MIDEAS: variants seen among roughly 807,000 people sequenced by gnomAD.
MIDEAS encodes the protein mitotic deacetylase associated SANT domain protein.
Under a neutral mutation model 102.7 loss-of-function variants are expected in MIDEAS, and 26 were observed. The ratio of observed to expected loss-of-function variants is 0.25; its 90% CI spans 0.19 to 0.35. The LOEUF is 0.35. MIDEAS is among the 10% of genes least tolerant of loss of function. The pLI is 1.00. For missense variants in MIDEAS, 1,231 were observed against 1,435.6 expected (o/e 0.86, Z 2.30); for synonymous variants, 585 against 591.0 (o/e 0.99, Z 0.15).
In MIDEAS at chr14:73,781,734, CA is replaced by C. The variant is rs72374466; in HGVS notation, c.-248+5367del. On this transcript the variant is annotated intron_variant, in intron 1 of 11. Coordinates refer to the MIDEAS transcript ENST00000394071. ...GGGCAACAAGAGCGAAACTCTGTCTCAAAAAAAAAAAAAAAAAAAAAACTGA... is the reference window on the plus strand; with the variant it reads ...GGGCAACAAGAGCGAAACTCTGTCTCAAAAAAAAAAAAAAAAAAAAACTGA... Among the ~76,000 whole-genome samples the C allele has an allele frequency of 4.6e-3, 339 of 73,546 alleles. 4 individuals are homozygous for C. Among genetic ancestry groups the C allele is most frequent in the African/African-American group, 0.019 (304 of 16,306 alleles). 48.2% of individuals were successfully genotyped at this position (73,546 alleles called of 152,430 possible).
chr14:73,727,211 C>T, intron 5 of MIDEAS: 1 of 628,146 alleles, frequency 1.6e-6, no homozygotes, highest in South Asian at 2.0e-5. Flanking sequence ...GAAAGAGCCT[C>T]TGGACCCCCC....
chr14:73,721,637 C>T (rs2052996049), intron 10 of MIDEAS, 128 bp from the exon 11 acceptor site: 1 of 776,560 alleles, frequency 1.3e-6, no homozygotes, highest in Non-Finnish European at 2.2e-6. Context: ...CCAGCATAGT[C>T]TTCTGTACTA....
intron 1 of MIDEAS, among the ~76,000 whole-genome samples, chr14:73,753,935 C>T (rs758606156): frequency 1.3e-5 from 2 of 152,118 alleles, no homozygotes; most frequent in Non-Finnish European, 2.9e-5. Flanking sequence ...GAGCCGCCAC[C>T]TCCTGGATTC....
chr14:73,730,279 G>A (rs184586898), intron 3 of MIDEAS: 295 of 505,808 alleles, frequency 5.8e-4, no homozygotes, highest in Middle Eastern at 2.8e-3. Flanking sequence ...AAAACTAACT[G>A]TATAAAATTG....
chr14:73,766,692 G>C (rs141407781), intron 1 of MIDEAS, among the ~76,000 whole-genome samples: 10 of 151,946 alleles, frequency 6.6e-5, no homozygotes, highest in Non-Finnish European at 1.2e-4. Context: ...TGGGACTACA[G>C]GCAGCTGTCG....
intron 1 of MIDEAS, among the ~76,000 whole-genome samples, chr14:73,745,437 C>T (rs914924878): frequency 6.6e-6 from 1 of 152,240 alleles, no homozygotes; most frequent in South Asian, 2.1e-4. Flanking sequence ...CATGCCCTGA[C>T]ATGGCTGGAC....
intron 1 of MIDEAS, among the ~76,000 whole-genome samples, chr14:73,767,098 G>A (rs1411052098): frequency 1.3e-5 from 2 of 151,748 alleles, no homozygotes; most frequent in South Asian, 2.1e-4. Flanking sequence ...CAAGTGATCC[G>A]CTGGCCTCAG....
chr14:73,727,190 T>C (rs1236014159), intron 5 of MIDEAS: 1 of 645,546 alleles, frequency 1.5e-6, no homozygotes, highest in Non-Finnish European at 2.6e-6. Context: ...CAGCTGCAGG[T>C]TTACAGATGG....
At chr14:73,750,969 C>A (rs1011580005) in intron 1 of MIDEAS, among the ~76,000 whole-genome samples, 1 of 152,220 alleles carries the variant, frequency 6.6e-6, no homozygotes, top group Non-Finnish European at 1.5e-5. Context: ...GTGCTAAGCA[C>A]ACTACACACA....
At chr14:73,761,800 A>G (rs1015641884), upstream of MIDEAS, among the ~76,000 whole-genome samples, 4 of 152,206 alleles carry the variant, frequency 2.6e-5, no homozygotes, top group Non-Finnish European at 4.4e-5. Context: ...ATCTCTCTCA[A>G]TCTGTGGATG....
Position 73,729,654 on chromosome 14 carries a change from G to C in MIDEAS, c.2081C>G (p.Thr694Arg), listed in dbSNP as rs372115731. Residue 694 changes from threonine (T) to arginine (R), a missense_variant, in exon 4 of 13, where the codon ACG becomes AGG. By Grantham distance (71) the Thr-to-Arg change is moderately conservative. Transcript: ENST00000423556. ...AGGTCACTCACTAGTCCGGAGCAGC[G>C]TGCGATGGGCACTCTTAGGCGTGAT... is the stretch of plus-strand genomic sequence containing the variant. ...PPITPKSAHR[T>R]LLRTNSAEVT... 3 of 1,609,776 alleles carry C rather than the reference G, an allele frequency of 1.9e-6. No individual in the cohort carries two copies. The highest frequency in any genetic ancestry group is 4.5e-5 in the East Asian group (2 of 44,782).
At chr14:73,781,601 G>T (rs2053757653) in intron 1 of MIDEAS, among the ~76,000 whole-genome samples, 1 of 152,112 alleles carries the variant, frequency 6.6e-6, no homozygotes, top group South Asian at 2.1e-4. Flanking sequence ...AGGTGTGGTG[G>T]CGCATGCCTG....
At chr14:73,764,261 AC>A (rs1341760695), upstream of MIDEAS, among the ~76,000 whole-genome samples, 3 of 146,786 alleles carry the variant, frequency 2.0e-5, no homozygotes, top group Non-Finnish European at 4.5e-5. Flanking sequence ...AATTGCTTGA[AC>A]CCAGGTGATG....
chr14:73,719,329 G>A lies in MIDEAS; in HGVS notation c.3110C>T (p.Thr1037Ile). The A allele has an allele frequency of 6.8e-6, 11 of 1,610,012 alleles. No individual in the cohort carries two copies. The highest frequency in any genetic ancestry group is 9.3e-6 in the Non-Finnish European group (11 of 1,177,570). Residue 1037 changes from threonine (T) to isoleucine (I), a missense_variant, in exon 12 of 13, where the codon ACT becomes ATT. Thr to Ile is a moderately conservative substitution (Grantham distance 89). Transcript: ENST00000423556. ...TFSKTQNQEN[T>I]FPCKKCGRVF... ...CCTGCCACATTTTTTACAGGGGAAA[G>A]TGTTCTCCTGATTCTGGGTCTTACT...
chr14:73,720,923 C>T (rs1398189421), intron 11 of MIDEAS, among the ~76,000 whole-genome samples: 2 of 152,208 alleles, frequency 1.3e-5, no homozygotes, highest in Non-Finnish European at 2.9e-5. Flanking sequence ...CTTAGGGGAG[C>T]CCTGTCTGCA....
Position 73,715,682 on chromosome 14 carries a change from A to T in MIDEAS, c.*3161T>A, listed in dbSNP as rs1430805646. 2 of 152,618 alleles carry T rather than the reference A, an allele frequency of 1.3e-5. No homozygotes were observed. Among genetic ancestry groups the T allele is most frequent in the African/African-American group, 4.8e-5 (2 of 41,452 alleles). The allele number at this position is 152,618 out of a possible 1,614,324, so 9.5% of individuals were successfully genotyped here. A position where few individuals can be genotyped will look rare whatever the true frequency, so the allele number is the denominator to read the frequency against. ...CTGATAATAAATACCGTCCCAGAAA[A>T]GCGAGCCCCAGTGAAAACAACTAAA... On this transcript the variant is annotated 3_prime_UTR_variant, in exon 13 of 13. Coordinates refer to ENST00000423556, the MANE Select transcript of MIDEAS (RefSeq NM_001367710.1).
In MIDEAS at chr14:73,718,638, AG is replaced by A; in HGVS notation, c.*204del. Reference sequence around the variant, plus strand: ...AGCTTCCGACAGACCAAATGCAAAGAGAGCTGGATCCTGGAGCCCTTAACGC... The same window carrying A: ...AGCTTCCGACAGACCAAATGCAAAGAAGCTGGATCCTGGAGCCCTTAACGC... On this transcript the variant is annotated 3_prime_UTR_variant, in exon 13 of 13. Transcript: ENST00000423556. 1 of 452,074 alleles carries A rather than the reference AG, an allele frequency of 2.2e-6. No homozygotes were observed. The allele number at this position is 452,074 out of a possible 1,614,324, so 28.0% of individuals were successfully genotyped here. A position where few individuals can be genotyped will look rare whatever the true frequency, so the allele number is the denominator to read the frequency against.
Position 73,739,815 on chromosome 14 carries a change from G to A in MIDEAS, c.194C>T (p.Pro65Leu), listed in dbSNP as rs1349288429. The A allele has an allele frequency of 1.2e-6, 2 of 1,612,626 alleles. No individual in the cohort carries two copies. The highest frequency in any genetic ancestry group is 1.7e-6 in the Non-Finnish European group (2 of 1,179,126). The change falls in exon 2 of 13, where the codon CCC becomes CTC. Residue 65 changes from proline to leucine, a missense_variant. Pro to Leu is a moderately conservative substitution (Grantham distance 98). Around this residue, in one of 5 missense-constraint regions of MIDEAS, gnomAD observed 758 missense variants for 856.0 expected, o/e 0.89. Coordinates refer to ENST00000423556, the MANE Select transcript of MIDEAS (RefSeq NM_001367710.1). ...AVSTSQPVEL[P>L]PPSSLALLNS... Reference sequence around the variant, plus strand: ...CAGCAGGGCCAGGCTGCTAGGAGGGGGCAGTTCCACAGGCTGAGAGGTGGA... The same window carrying A: ...CAGCAGGGCCAGGCTGCTAGGAGGGAGCAGTTCCACAGGCTGAGAGGTGGA...
At chr14:73,727,053 G>A in intron 5 of MIDEAS, 81 bp from the exon 6 acceptor site, 1 of 1,503,844 alleles carries the variant, frequency 6.6e-7, no homozygotes. Context: ...GTGGGAAGAA[G>A]ATGAGGGGGA....
Sources: allele counts gnomAD v4.1 joint callset (sites outside exome capture counted in the v4.1 genomes callset), GRCh38; gene constraint gnomAD v4.1.1; regional missense constraint gnomAD v4.1.1; transcripts MANE v1.5; gene names NCBI Gene and HGNC (gene_info 2026-07-23, HGNC 2026-07-21).